The following ADAM18 variants were observed in gnomAD, a reference collection of about 807,000 sequenced individuals.
ADAM18 encodes disintegrin and metalloproteinase domain-containing protein 18.
In ADAM18, 117 loss-of-function variants were observed where a neutral mutation model predicts 94.4. The observed-to-expected ratio is 1.24, with a 90% CI of 1.07 to 1.45. The LOEUF (loss-of-function observed/expected upper bound fraction) is 1.45, where lower values mean the gene tolerates loss of function less well. Ranked by LOEUF, ADAM18 falls within the 40% of genes most tolerant of loss-of-function variation. ADAM18 has a pLI of 0.00. For synonymous variants in ADAM18, 327 were observed against 291.6 expected (o/e 1.12, Z -1.24); for missense variants, 936 against 880.0 (o/e 1.06, Z -0.81).
intron 5 of ADAM18, 25 bp downstream of exon 5, chr8:39,609,586 A>G (rs1172782552): frequency 9.2e-6 from 14 of 1,520,752 alleles, no homozygotes; most frequent in African/African-American, 6.8e-5. Context: ...TAAGAAATCT[A>G]TAGATGGAGA....
In ADAM18 at chr8:39,653,160, T is replaced by C. The variant is rs191049272; in HGVS notation, c.1230+4633T>C. ...TAAGAAAGTAGATTTTAAGTGTTTT[T>C]ACCACAAAATAATCAGAAGTTTGTG... On this transcript the variant is annotated intron_variant, in intron 12 of 19. Coordinates refer to ENST00000265707, the MANE Select transcript of ADAM18 (RefSeq NM_014237.3). Among the ~76,000 whole-genome samples the C allele has an allele frequency of 6.0e-3, 912 of 152,276 alleles. 5 individuals are homozygous for C. Among genetic ancestry groups the C allele is most frequent in the African/African-American group, 0.021 (866 of 41,548 alleles).
intron 16 of ADAM18, among the ~76,000 whole-genome samples, chr8:39,687,153 A>G (rs1238165084): frequency 6.6e-6 from 1 of 152,208 alleles, no homozygotes; most frequent in Non-Finnish European, 1.5e-5. Flanking sequence ...TTTTGCACCT[A>G]TATATAGGAA....
chr8:39,607,183 T>C (rs1819110829), intron 3 of ADAM18, among the ~76,000 whole-genome samples: 1 of 152,228 alleles, frequency 6.6e-6, no homozygotes, highest in Non-Finnish European at 1.5e-5. Flanking sequence ...ATTTGTGCAC[T>C]GTTGCCACCA....
chr8:39,623,126 T>C (rs1403502785), intron 6 of ADAM18, among the ~76,000 whole-genome samples: 2 of 152,196 alleles, frequency 1.3e-5, no homozygotes, highest in Non-Finnish European at 1.5e-5. Context: ...TGTTTTTCCA[T>C]TCCTGAGTTA....
intron 6 of ADAM18, chr8:39,611,015 A>G (rs1585896174): frequency 1.8e-6 from 2 of 1,112,554 alleles, no homozygotes; most frequent in East Asian, 5.2e-5. Flanking sequence ...TGGTAAAATT[A>G]CTTTTAATAT....
At chr8:39,712,078 C>T (rs147421242) in intron 18 of ADAM18, among the ~76,000 whole-genome samples, 129 of 123,438 alleles carry the variant, frequency 1.0e-3, no homozygotes, top group African/African-American at 4.1e-3. Flanking sequence ...ATAAGAAAAA[C>T]AAGGGCAATA....
chr8:39,677,548 G>A lies in ADAM18; in HGVS notation c.1631+12G>A. On this transcript the variant is annotated intron_variant, in intron 15 of 19. Transcript: ENST00000265707. ...CCTTGTGAACGGAAGTACGTATGTA[G>A]AAAATGATTGCTTCTTTGAATCATA... 6.5e-7 allele frequency: 1 copy of A among 1,549,298 alleles called. No homozygotes were observed. Among genetic ancestry groups the A allele is most frequent in the East Asian group, 2.3e-5 (1 of 43,682 alleles).
chr8:39,691,820 G>C (rs138534020), intron 16 of ADAM18, among the ~76,000 whole-genome samples: 13 of 152,058 alleles, frequency 8.5e-5, no homozygotes, highest in African/African-American at 2.6e-4. Context: ...GCTCTGGCTA[G>C]AGCATCTGAT....
chr8:39,628,612 C>T (rs1178583807), intron 6 of ADAM18, among the ~76,000 whole-genome samples: 3 of 152,044 alleles, frequency 2.0e-5, no homozygotes, highest in Non-Finnish European at 2.9e-5. Context: ...AGATTCAACA[C>T]CCTCTTTACT....
At chr8:39,697,319 A>G (rs1043291236) in intron 17 of ADAM18, among the ~76,000 whole-genome samples, 13 of 151,468 alleles carry the variant, frequency 8.6e-5, no homozygotes, top group Non-Finnish European at 1.6e-4. Flanking sequence ...AATATATTTT[A>G]TGTTATTCTT....
rs181425834 is a variant in ADAM18 at position 39,599,889 on chromosome 8, T to A, written c.133-6418T>A. On this transcript the variant is annotated intron_variant, in intron 2 of 19. Coordinates refer to ENST00000265707, the MANE Select transcript of ADAM18 (RefSeq NM_014237.3). ...TTTAAAAAATTTGTGTTTTTTTTTT[T>A]AAATTCTGCCTACCAGTTATTCCTT... 7.2e-3 allele frequency among the ~76,000 whole-genome samples: 1,100 copies of A among 151,946 alleles called. 8 individuals are homozygous for A. The highest frequency in any genetic ancestry group is 0.017 in the South Asian group (84 of 4,828).
At chr8:39,662,909 G>A (rs1235750459) in intron 12 of ADAM18, among the ~76,000 whole-genome samples, 1 of 152,220 alleles carries the variant, frequency 6.6e-6, no homozygotes, top group African/African-American at 2.4e-5. Context: ...ACAGGCGTGA[G>A]CCACTGCACC....
At chr8:39,661,930 A>G (rs1243672071) in intron 12 of ADAM18, among the ~76,000 whole-genome samples, 1 of 148,338 alleles carries the variant, frequency 6.7e-6, no homozygotes, top group Non-Finnish European at 1.5e-5. Flanking sequence ...GGCTTATTTT[A>G]TATATATATA....
intron 2 of ADAM18, among the ~76,000 whole-genome samples, chr8:39,593,529 CA>C (rs1818641480): frequency 6.6e-6 from 1 of 151,436 alleles, no homozygotes; most frequent in African/African-American, 2.4e-5. Context: ...ATGGTTTTGT[CA>C]TAAAAAAAAA....
At chr8:39,593,146 A>C (rs1818626692) in intron 2 of ADAM18, among the ~76,000 whole-genome samples, 1 of 152,186 alleles carries the variant, frequency 6.6e-6, no homozygotes, top group African/African-American at 2.4e-5. Flanking sequence ...AGAAATGAAG[A>C]AAGTTAGGAC....
chr8:39,625,347 G>A (rs1819730805), intron 6 of ADAM18, among the ~76,000 whole-genome samples: 2 of 152,008 alleles, frequency 1.3e-5, no homozygotes, highest in Admixed American at 1.3e-4. Context: ...GGTCATTGTT[G>A]GTGTATAGCC....
chr8:39,726,899 TA>T (rs1265759101), intron 19 of ADAM18, among the ~76,000 whole-genome samples: 6 of 152,160 alleles, frequency 3.9e-5, no homozygotes, highest in African/African-American at 1.4e-4. Flanking sequence ...AACACACACT[TA>T]AAACTTTTGA....
chr8:39,609,828 A>G (rs576747882), intron 5 of ADAM18, among the ~76,000 whole-genome samples: 11 of 152,298 alleles, frequency 7.2e-5, no homozygotes, highest in African/African-American at 2.6e-4. Context: ...TGATTGTTGC[A>G]TTCTGCATCT....
intron 14 of ADAM18, among the ~76,000 whole-genome samples, chr8:39,675,369 A>G (rs1279125920): frequency 6.6e-6 from 1 of 152,076 alleles, no homozygotes; most frequent in East Asian, 1.9e-4. Flanking sequence ...TATTTCATCA[A>G]TTTGATCTTC....
Sources: gnomAD v4.1 joint callset for allele counts (sites outside exome capture counted in the v4.1 genomes callset) on GRCh38, gnomAD v4.1.1 for gene constraint, MANE v1.5 for transcripts, NCBI Gene and HGNC (gene_info 2026-07-23, HGNC 2026-07-21) for gene names.